Variants in EGFLAM observed in about 807,000 individuals in gnomAD.
The protein encoded by EGFLAM is pikachurin.
In EGFLAM, 79 loss-of-function variants were observed where a neutral mutation model predicts 113.1. The ratio of observed to expected loss-of-function variants is 0.70; its 90% CI spans 0.58 to 0.84. The LOEUF (loss-of-function observed/expected upper bound fraction) is 0.84. Among genes scored for constraint, EGFLAM ranks in the 40% least tolerant of loss-of-function variants. The probability of loss-of-function intolerance (pLI) is 0.00; values close to 1 mark genes in which losing one functional copy is unlikely to be tolerated. For synonymous variants in EGFLAM, 504 were observed against 487.6 expected (o/e 1.03, Z -0.44); for missense variants, 1,265 against 1,291.6 (o/e 0.98, Z 0.32).
rs145511257 is a variant in EGFLAM at position 38,409,243 on chromosome 5, C to T, written c.1349+139C>T. 7 of 724,576 alleles carry T rather than the reference C, an allele frequency of 9.7e-6. No individual in the cohort carries two copies. The East Asian group carries it at 1.7e-4, about 17-fold the overall frequency. 44.9% of individuals were successfully genotyped at this position (724,576 alleles called of 1,614,324 possible). On this transcript the variant is annotated intron_variant, in intron 10 of 21. Transcript: ENST00000322350. The stretch of plus-strand genomic sequence containing the variant: ...TGGTTTGTATAAAATGAGTATGAAC[C>T]AGTTTACCAAATACTGGTGTACTGG...
chr5:38,349,392 A>G (rs976607381), intron 3 of EGFLAM, among the ~76,000 whole-genome samples: 4 of 152,186 alleles, frequency 2.6e-5, no homozygotes, highest in African/African-American at 7.2e-5. Flanking sequence ...AGACAATATC[A>G]TGACCACTCA....
intron 10 of EGFLAM, among the ~76,000 whole-genome samples, chr5:38,409,630 C>T (rs186366627): frequency 1.9e-3 from 282 of 152,258 alleles, no homozygotes; most frequent in Middle Eastern, 6.8e-3. Flanking sequence ...AATACAGTTT[C>T]TTTTCTCTGG....
intron 6 of EGFLAM, among the ~76,000 whole-genome samples, chr5:38,373,470 T>C (rs891853815): frequency 6.6e-6 from 1 of 152,180 alleles, no homozygotes; most frequent in Non-Finnish European, 1.5e-5. Flanking sequence ...TATGTCCCCA[T>C]GTACCAATTG....
At chr5:38,398,390 T>C (rs977851883) in intron 6 of EGFLAM, among the ~76,000 whole-genome samples, 5 of 152,172 alleles carry the variant, frequency 3.3e-5, no homozygotes, top group African/African-American at 1.2e-4. Context: ...GGTGGGAGAA[T>C]TACATTTATG....
At chr5:38,436,903 C>T (rs1344113473) in intron 16 of EGFLAM, among the ~76,000 whole-genome samples, 1 of 152,182 alleles carries the variant, frequency 6.6e-6, no homozygotes, top group African/African-American at 2.4e-5. Flanking sequence ...TCAACTCTCC[C>T]AGTGCTCTCC....
At chr5:38,340,803 C>G (rs1739313794) in intron 3 of EGFLAM, among the ~76,000 whole-genome samples, 1 of 135,950 alleles carries the variant, frequency 7.4e-6, no homozygotes, top group Non-Finnish European at 1.5e-5. Flanking sequence ...ATGCCTCTCT[C>G]TCTCTCAATC....
At chr5:38,286,567 T>C (rs974881420) in intron 1 of EGFLAM, among the ~76,000 whole-genome samples, 4 of 152,206 alleles carry the variant, frequency 2.6e-5, no homozygotes, top group Non-Finnish European at 4.4e-5. Context: ...TTAGTGGTCA[T>C]GGTGGACTTC....
In EGFLAM at chr5:38,463,917, C is replaced by T. The variant is rs149747510; in HGVS notation, c.2961C>T (p.Thr987=). Residue 987 remains threonine (T), a synonymous_variant, in exon 22 of 22, where the codon ACC becomes ACT. Transcript: ENST00000322350. ...GTATCTCTCACTTCACCCTGTCCAC[C>T]GATTACCACATTTCCCTCGTGGAAG... ...VGCISHFTLS[T]DYHISLVEDA... is the part of the protein sequence containing the mutation. 9 of 1,614,118 alleles carry T rather than the reference C, an allele frequency of 5.6e-6. No individual in the cohort carries two copies. The highest frequency in any genetic ancestry group is 2.2e-5 in the East Asian group (1 of 44,894).
chr5:38,422,391 C>A (rs1741857353), intron 12 of EGFLAM, among the ~76,000 whole-genome samples: 1 of 152,194 alleles, frequency 6.6e-6, no homozygotes, highest in Admixed American at 6.5e-5. Context: ...CCCTTCCTGG[C>A]TGCCCTGGGC....
intron 5 of EGFLAM, among the ~76,000 whole-genome samples, chr5:38,358,446 CAAAAA>C (rs34444620): frequency 1.3e-5 from 1 of 74,122 alleles, no homozygotes. Flanking sequence ...GACTCCGTCT[CAAAAA>C]AAAAAAAAAA....
chr5:38,443,099 C>G (rs1395923190), intron 17 of EGFLAM, among the ~76,000 whole-genome samples: 2 of 152,002 alleles, frequency 1.3e-5, no homozygotes, highest in African/African-American at 2.4e-5. Context: ...AACCCCATCT[C>G]TACTAAAAAT....
chr5:38,443,001 C>T (rs1466028982), intron 17 of EGFLAM, among the ~76,000 whole-genome samples: 1 of 152,232 alleles, frequency 6.6e-6, no homozygotes, highest in Non-Finnish European at 1.5e-5. Context: ...CGCAGTGGCT[C>T]ATGCCTGTAA....
intron 1 of EGFLAM, among the ~76,000 whole-genome samples, chr5:38,301,724 G>A: frequency 6.6e-6 from 1 of 152,092 alleles, no homozygotes; most frequent in Non-Finnish European, 1.5e-5. Context: ...GGTAGGGTGG[G>A]AATGAGATGA....
chr5:38,442,973 G>T (rs939454724), intron 17 of EGFLAM, among the ~76,000 whole-genome samples: 3 of 152,318 alleles, frequency 2.0e-5, no homozygotes, highest in Admixed American at 2.0e-4. Context: ...CTTTTAAGAT[G>T]ATTAGAGTCA....
intron 3 of EGFLAM, among the ~76,000 whole-genome samples, chr5:38,347,632 G>A (rs1217450492): frequency 6.6e-6 from 1 of 152,094 alleles, no homozygotes; most frequent in African/African-American, 2.4e-5. Flanking sequence ...GGCATTGAAT[G>A]GCATAAATTT....
At chr5:38,441,961 G>A (rs1742550083) in intron 17 of EGFLAM, among the ~76,000 whole-genome samples, 1 of 152,114 alleles carries the variant, frequency 6.6e-6, no homozygotes, top group Non-Finnish European at 1.5e-5. Context: ...TAGCTGTTGA[G>A]ACAAAGCTAG....
At chr5:38,307,125 C>T (rs1341885554) in intron 1 of EGFLAM, among the ~76,000 whole-genome samples, 1 of 152,126 alleles carries the variant, frequency 6.6e-6, no homozygotes, top group Admixed American at 6.5e-5. Context: ...CCAAGCTCAG[C>T]CCAAATAGAA....
Position 38,427,206 on chromosome 5 carries a change from C to T in EGFLAM, c.2008C>T (p.His670Tyr), listed in dbSNP as rs1742043590. 6.2e-7 allele frequency: 1 copy of T among 1,614,046 alleles called. No homozygotes were observed. The highest frequency in any genetic ancestry group is 1.3e-5 in the African/African-American group (1 of 74,926). ...CCTGTCCATCAACTTGGCAGGGGGC[C>T]ACGTGGAGTTCCGCTTTGACTGTGG... Reference protein sequence around the residue: ...DFLSINLAGGHVEFRFDCGSG... With the variant: ...DFLSINLAGGYVEFRFDCGSG... The change falls in exon 14 of 22, where the codon CAC becomes TAC. Residue 670 changes from histidine (H) to tyrosine (Y), a missense_variant. Coordinates refer to ENST00000322350, the MANE Select transcript of EGFLAM (RefSeq NM_152403.4).
At chr5:38,456,014 C>T (rs192274038) in intron 19 of EGFLAM, among the ~76,000 whole-genome samples, 44 of 152,262 alleles carry the variant, frequency 2.9e-4, no homozygotes, top group African/African-American at 4.1e-4. Context: ...TCACACATGG[C>T]TAGTCTTCAG....
Sources: gnomAD v4.1 joint callset for allele counts (sites outside exome capture counted in the v4.1 genomes callset) on GRCh38, gnomAD v4.1.1 for gene constraint, MANE v1.5 for transcripts, NCBI Gene and HGNC (gene_info 2026-07-23, HGNC 2026-07-21) for gene names.